CACNA1A: variants seen among roughly 807,000 people sequenced by gnomAD.
CACNA1A encodes the protein voltage-dependent P/Q-type calcium channel subunit alpha-1A.
A neutral mutation model predicts 262.4 loss-of-function variants in CACNA1A; 57 were observed. The ratio of observed to expected loss-of-function variants is 0.22; its 90% confidence interval spans 0.18 to 0.27. The LOEUF (loss-of-function observed/expected upper bound fraction) is 0.27. Among genes scored for constraint, CACNA1A ranks in the 10% least tolerant of loss-of-function variants. The pLI is 1.00. For missense variants in CACNA1A, 2,526 were observed against 3,562.8 expected (o/e 0.71, Z 7.41); for synonymous variants, 1,431 against 1,419.3 (o/e 1.01, Z -0.18).
intron 38 of CACNA1A, among the ~76,000 whole-genome samples, chr19:13,223,296 C>T (rs62111965): frequency 0.15 from 23,176 of 152,048 alleles, 2,214 homozygotes; most frequent in Middle Eastern, 0.32. Context: ...CAGGTTCAAG[C>T]GATTCTTCTG....
chr19:13,461,519 G>T (rs980170196), intron 1 of CACNA1A, among the ~76,000 whole-genome samples: 2 of 152,174 alleles, frequency 1.3e-5, no homozygotes, highest in African/African-American at 4.8e-5. Context: ...GATGTACTTG[G>T]TGCCCAGATG....
intron 1 of CACNA1A, among the ~76,000 whole-genome samples, chr19:13,502,538 C>G (rs1982513460): frequency 1.3e-5 from 2 of 152,172 alleles, no homozygotes; most frequent in South Asian, 2.1e-4. Context: ...CGGCAATCAT[C>G]AGAGACCCTC....
chr19:13,383,942 G>A (rs891639304), intron 3 of CACNA1A, among the ~76,000 whole-genome samples: 1 of 152,142 alleles, frequency 6.6e-6, no homozygotes, highest in African/African-American at 2.4e-5. Context: ...GTCCTCCCAA[G>A]TAGCTGGAAC....
At chr19:13,404,762 G>A (rs899658828) in intron 3 of CACNA1A, among the ~76,000 whole-genome samples, 80 of 152,252 alleles carry the variant, frequency 5.3e-4, no homozygotes, top group African/African-American at 1.8e-3. Flanking sequence ...CCAGGGGTGG[G>A]TCATGATGCT....
chr19:13,285,344 C>T, intron 20 of CACNA1A, 138 bp from the exon 21 acceptor site: 2 of 820,344 alleles, frequency 2.4e-6, no homozygotes, highest in Non-Finnish European at 3.8e-6. Flanking sequence ...CATCTTATGA[C>T]ATCACTGAAC....
intron 38 of CACNA1A, among the ~76,000 whole-genome samples, chr19:13,218,317 A>G (rs951850459): frequency 6.6e-6 from 1 of 152,136 alleles, no homozygotes; most frequent in Non-Finnish European, 1.5e-5. Flanking sequence ...GCCACGTGGT[A>G]TCAGTTTGAC....
chr19:13,342,856 A>T lies in CACNA1A; in HGVS notation c.979-6947T>A, dbSNP rs1350622110. Among the ~76,000 whole-genome samples the T allele has an allele frequency of 2.0e-5, 3 of 152,214 alleles. No homozygotes were observed. The East Asian group carries it at 5.8e-4, about 29-fold the overall frequency. On this transcript the variant is annotated intron_variant, in intron 6 of 46. Transcript: ENST00000360228. ...GGAAATACATCTGTTGTCAAAAGTC[A>T]TGGAGGCTTTGGGGATGTTTGTTAC...
chr19:13,489,003 CTTTTTTTTTTTT>C (rs896790084), intron 1 of CACNA1A, among the ~76,000 whole-genome samples: 1 of 75,226 alleles, frequency 1.3e-5, no homozygotes, highest in Non-Finnish European at 2.3e-5. Flanking sequence ...CTTTTCTTTT[CTTTTTTTTTTTT>C]TTTTTTTTTT....
intron 3 of CACNA1A, among the ~76,000 whole-genome samples, chr19:13,393,155 A>G (rs1388044904): frequency 6.6e-6 from 1 of 152,212 alleles, no homozygotes; most frequent in African/African-American, 2.4e-5. Context: ...CCATAGAAAT[A>G]TGAAGAGTGG....
At chr19:13,431,943 A>G (rs1441550581) in intron 3 of CACNA1A, among the ~76,000 whole-genome samples, 1 of 151,660 alleles carries the variant, frequency 6.6e-6, no homozygotes, top group Non-Finnish European at 1.5e-5. Flanking sequence ...TGTCCCTACT[A>G]AAAATACAAA....
At chr19:13,351,754 C>T (rs1336934708) in intron 6 of CACNA1A, among the ~76,000 whole-genome samples, 2 of 152,036 alleles carry the variant, frequency 1.3e-5, no homozygotes, top group Non-Finnish European at 2.9e-5. Context: ...GTGATCCACC[C>T]GCCTCGGCCT....
At chr19:13,334,046 T>A (rs915355609) in intron 8 of CACNA1A, 4 of 246,646 alleles carry the variant, frequency 1.6e-5, no homozygotes, top group African/African-American at 8.8e-5. Flanking sequence ...AATAGTACTA[T>A]GACTTAGGCA....
intron 1 of CACNA1A, among the ~76,000 whole-genome samples, chr19:13,487,209 T>C (rs1191968204): frequency 1.3e-5 from 2 of 152,164 alleles, no homozygotes; most frequent in South Asian, 2.1e-4. Context: ...CCAGCTGAGA[T>C]GAAACCTCTC....
chr19:13,363,488 A>G (rs1194180311), intron 5 of CACNA1A: 2 of 118,152 alleles, frequency 1.7e-5, no homozygotes, highest in African/African-American at 9.9e-5. Context: ...GCAAGAGAAA[A>G]AGAGGAAAAA....
At chr19:13,270,943 A>C (rs1258158761) in intron 24 of CACNA1A, among the ~76,000 whole-genome samples, 1 of 152,214 alleles carries the variant, frequency 6.6e-6, no homozygotes. Flanking sequence ...CAAGCCTGCC[A>C]GGGTTGACAG....
At chr19:13,472,523 G>C (rs2145041875) in intron 1 of CACNA1A, among the ~76,000 whole-genome samples, 1 of 152,122 alleles carries the variant, frequency 6.6e-6, no homozygotes, top group African/African-American at 2.4e-5. Context: ...GAGTCCCTTT[G>C]CTCATCAGAC....
intron 3 of CACNA1A, among the ~76,000 whole-genome samples, chr19:13,409,232 C>T (rs925209141): frequency 4.6e-5 from 7 of 151,948 alleles, no homozygotes; most frequent in African/African-American, 1.7e-4. Flanking sequence ...GGGTGTGAGG[C>T]GAAGAGAGTT....
At chr19:13,304,465 CA>C (rs2057856111) in intron 15 of CACNA1A, among the ~76,000 whole-genome samples, 1 of 151,564 alleles carries the variant, frequency 6.6e-6, no homozygotes, top group South Asian at 2.1e-4. Flanking sequence ...CCCATCTTTA[CA>C]AAAAATTTAA....
In CACNA1A at chr19:13,413,895, A is replaced by AAGAAAAAGAAAGAAAG. The variant is rs1183097814; in HGVS notation, c.539+38980_539+38981insCTTTCTTTCTTTTTCT. Among the ~76,000 whole-genome samples, 693 of 119,178 alleles carry AAGAAAAAGAAAGAAAG rather than the reference A, an allele frequency of 5.8e-3. 20 individuals are homozygous for AAGAAAAAGAAAGAAAG. Among genetic ancestry groups the AAGAAAAAGAAAGAAAG allele is most frequent in the African/African-American group, 0.026 (641 of 24,608 alleles). The allele number at this position is 119,178 out of a possible 152,430, so 78.2% of individuals were successfully genotyped here. A position where few individuals can be genotyped will look rare whatever the true frequency, so the allele number is the denominator to read the frequency against. On this transcript the variant is annotated intron_variant, in intron 3 of 46. Coordinates refer to ENST00000360228, the MANE Select transcript of CACNA1A (RefSeq NM_001127222.2). ...GACTCTGTCAAGAAAGAAAGAAAGA[A>AAGAAAAAGAAAGAAAG]AAAGAAAGAAAGAAAGAAAGAAAGA...
Sources: gnomAD v4.1 joint callset for allele counts (sites outside exome capture counted in the v4.1 genomes callset) on GRCh38, gnomAD v4.1.1 for gene constraint, MANE v1.5 for transcripts, NCBI Gene and HGNC (gene_info 2026-07-23, HGNC 2026-07-21) for gene names.